ZCWPW2: variants seen among roughly 807,000 people sequenced by gnomAD.
The protein encoded by ZCWPW2 is zinc finger CW-type PWWP domain protein 2.
In ZCWPW2, 45 loss-of-function variants were observed where a neutral mutation model predicts 46.6. The ratio of observed to expected loss-of-function variants is 0.96; its 90% confidence interval spans 0.76 to 1.24. The LOEUF (loss-of-function observed/expected upper bound fraction) is 1.24, where lower values mean the gene tolerates loss of function less well. ZCWPW2 is among the 50% of genes most tolerant of loss of function. The pLI, the probability that ZCWPW2 is intolerant of heterozygous loss-of-function variation, is 0.00. For missense variants in ZCWPW2, 429 were observed against 403.9 expected (o/e 1.06, Z -0.53); for synonymous variants, 152 against 137.1 (o/e 1.11, Z -0.76).
At chr3:28,504,932 C>G (rs1700237650) in intron 6 of ZCWPW2, among the ~76,000 whole-genome samples, 1 of 152,038 alleles carries the variant, frequency 6.6e-6, no homozygotes, top group Admixed American at 6.6e-5. Flanking sequence ...AAAGAAATAC[C>G]TGGATTTTCA....
At chr3:28,508,029 A>G (rs961119742) in intron 6 of ZCWPW2, among the ~76,000 whole-genome samples, 3 of 152,166 alleles carry the variant, frequency 2.0e-5, no homozygotes, top group Non-Finnish European at 2.9e-5. Flanking sequence ...TACAGGCTGT[A>G]CAAGAAGAAT....
chr3:28,421,438 A>C lies in ZCWPW2; in HGVS notation c.332+8038A>C, dbSNP rs1376699704. On this transcript the variant is annotated intron_variant, in intron 3 of 9. Coordinates refer to ENST00000383768, the MANE Select transcript of ZCWPW2 (RefSeq NM_001040432.4). The stretch of plus-strand genomic sequence containing the variant: ...CCACTGGCCTTTGGTATGGGGGTAA[A>C]TGTGGAGGCCATATATTTTCCATGA... Among the ~76,000 whole-genome samples the C allele has an allele frequency of 5.3e-5, 8 of 152,082 alleles. No individual in the cohort carries two copies. The East Asian group carries it at 1.3e-3, about 26-fold the overall frequency.
At chr3:28,506,079 TATATATTATATATATA>T (rs1337215834) in intron 6 of ZCWPW2, among the ~76,000 whole-genome samples, 1 of 147,192 alleles carries the variant, frequency 6.8e-6, no homozygotes, top group Non-Finnish European at 1.5e-5. Flanking sequence ...TCATTAAATA[TATATATTATATATATA>T]ATATATAATA....
At chr3:28,505,281 C>T (rs1412474563) in intron 6 of ZCWPW2, among the ~76,000 whole-genome samples, 1 of 152,116 alleles carries the variant, frequency 6.6e-6, no homozygotes, top group African/African-American at 2.4e-5. Context: ...GTGCAGGGAA[C>T]GGCAAGATAT....
chr3:28,390,063 A>G (rs185048360), intron 1 of ZCWPW2, among the ~76,000 whole-genome samples: 11 of 152,248 alleles, frequency 7.2e-5, no homozygotes, highest in Non-Finnish European at 1.5e-4. Context: ...TGACACATAA[A>G]ATTAACCTTT....
chr3:28,406,499 A>G (rs1187884734), intron 2 of ZCWPW2, among the ~76,000 whole-genome samples: 4 of 152,208 alleles, frequency 2.6e-5, no homozygotes, highest in East Asian at 1.9e-4. Context: ...AGAGGCAATG[A>G]CAACTACATC....
rs909026026 is a variant in ZCWPW2, at chr3:28,403,071, T to G, written c.-13-9985T>G. Among the ~76,000 whole-genome samples the G allele has an allele frequency of 3.9e-5, 6 of 152,188 alleles. No homozygotes were observed. In the East Asian group the frequency reaches 5.8e-4, roughly 15 times the overall value. On this transcript the variant is annotated intron_variant, in intron 2 of 9. Coordinates refer to ENST00000383768, the MANE Select transcript of ZCWPW2 (RefSeq NM_001040432.4). ...AGAACAGTCAGACAAGAGAAAGAAATAAAGGGCATCCAAATCAGTAAAGAG... is the reference window on the plus strand; with the variant it reads ...AGAACAGTCAGACAAGAGAAAGAAAGAAAGGGCATCCAAATCAGTAAAGAG...
chr3:28,399,395 G>A (rs1695835914), intron 2 of ZCWPW2, among the ~76,000 whole-genome samples: 1 of 152,036 alleles, frequency 6.6e-6, no homozygotes, highest in Non-Finnish European at 1.5e-5. Context: ...GAGTTCTAGG[G>A]CCCCACCCAC....
In ZCWPW2 at chr3:28,390,572, T is replaced by C. The variant is rs1331988338; in HGVS notation, c.-59T>C. On this transcript the variant is annotated 5_prime_UTR_variant, in exon 2 of 10. Coordinates refer to ENST00000383768, the MANE Select transcript of ZCWPW2 (RefSeq NM_001040432.4). ...CCCTTCTCTGGAGTTTTGGAGTCTA[T>C]TTTCTTCATGGAATTTTGCTAGGAA... 4 of 985,298 alleles carry C rather than the reference T, an allele frequency of 4.1e-6. No individual in the cohort carries two copies. The East Asian group carries it at 4.5e-4, about 112-fold the overall frequency. 61.0% of individuals were successfully genotyped at this position (985,298 alleles called of 1,614,324 possible).
chr3:28,497,667 G>A (rs1398322801), intron 6 of ZCWPW2, among the ~76,000 whole-genome samples: 1 of 152,094 alleles, frequency 6.6e-6, no homozygotes, highest in Non-Finnish European at 1.5e-5. Context: ...GTGCTGAGTT[G>A]TAGTATCAGT....
At chr3:28,353,510 T>G (rs1389979500) in intron 1 of ZCWPW2, among the ~76,000 whole-genome samples, 1 of 152,236 alleles carries the variant, frequency 6.6e-6, no homozygotes, top group South Asian at 2.1e-4. Context: ...AGATGCATGA[T>G]GGTAGATTTT....
chr3:28,499,506 T>C (rs1342027274), intron 6 of ZCWPW2, among the ~76,000 whole-genome samples: 2 of 152,170 alleles, frequency 1.3e-5, no homozygotes, highest in Non-Finnish European at 2.9e-5. Flanking sequence ...TTTGGTTTTT[T>C]TCTTGTAAAT....
chr3:28,454,045 C>T (rs886446611), intron 4 of ZCWPW2, among the ~76,000 whole-genome samples: 3 of 151,638 alleles, frequency 2.0e-5, no homozygotes, highest in Non-Finnish European at 2.9e-5. Flanking sequence ...GGGGTTTCAC[C>T]GTGTTAGCCA....
At chr3:28,515,324 G>C (rs1038111594) in intron 7 of ZCWPW2, among the ~76,000 whole-genome samples, 2 of 152,126 alleles carry the variant, frequency 1.3e-5, no homozygotes, top group African/African-American at 4.8e-5. Flanking sequence ...GCCAGTGTAA[G>C]GTGCTTGGTA....
intron 6 of ZCWPW2, among the ~76,000 whole-genome samples, chr3:28,502,333 C>T (rs2125825362): frequency 6.6e-6 from 1 of 152,222 alleles, no homozygotes; most frequent in Admixed American, 6.6e-5. Flanking sequence ...GAATCCCTTG[C>T]TTCAGAATAC....
At chr3:28,486,464 T>C (rs1204071704) in intron 5 of ZCWPW2, among the ~76,000 whole-genome samples, 1 of 129,912 alleles carries the variant, frequency 7.7e-6, no homozygotes, top group Non-Finnish European at 1.7e-5. Context: ...TATATTATTT[T>C]TCTTCTCTTG....
intron 6 of ZCWPW2, among the ~76,000 whole-genome samples, chr3:28,503,152 C>T (rs886295336): frequency 2.6e-5 from 4 of 151,986 alleles, no homozygotes; most frequent in African/African-American, 9.7e-5. Flanking sequence ...CATAAGTCTC[C>T]CTGTTTTCTA....
At chr3:28,399,378 C>T (rs1204812203) in intron 2 of ZCWPW2, among the ~76,000 whole-genome samples, 1 of 152,126 alleles carries the variant, frequency 6.6e-6, no homozygotes, top group Non-Finnish European at 1.5e-5. Context: ...ATGGCATATA[C>T]TCTTGGGAGT....
chr3:28,353,042 A>G (rs987806350), intron 1 of ZCWPW2, among the ~76,000 whole-genome samples: 1 of 152,030 alleles, frequency 6.6e-6, no homozygotes, highest in Non-Finnish European at 1.5e-5. Context: ...AATTATCCAG[A>G]CATGGTGGCT....
Sources: allele counts gnomAD v4.1 joint callset (sites outside exome capture counted in the v4.1 genomes callset), GRCh38; gene constraint gnomAD v4.1.1; transcripts MANE v1.5; gene names NCBI Gene and HGNC (gene_info 2026-07-23, HGNC 2026-07-21).